The following TMPRSS13 variants were observed in gnomAD, a reference collection of about 807,000 sequenced individuals.
TMPRSS13 encodes the protein transmembrane protease serine 13.
In TMPRSS13, 50 loss-of-function variants were observed where a neutral mutation model predicts 68.4. That is an observed-to-expected ratio of 0.73 (90% CI 0.58 to 0.93). The LOEUF (loss-of-function observed/expected upper bound fraction) is 0.93. Ranked by LOEUF, TMPRSS13 falls within the 40% of genes least tolerant of loss-of-function variation. The probability of loss-of-function intolerance (pLI) is 0.00; values close to 1 mark genes in which losing one functional copy is unlikely to be tolerated. For synonymous variants in TMPRSS13, 267 were observed against 285.8 expected, an observed-to-expected ratio of 0.93 and a Z score of 0.66; for missense variants, 615 against 729.2, an observed-to-expected ratio of 0.84 and a Z score of 1.80.
chr11:117,911,893 C>T (rs1457726845), intron 5 of TMPRSS13, 33 bp from the exon 6 acceptor site: 1 of 1,577,596 alleles, frequency 6.3e-7, no homozygotes, highest in African/African-American at 1.3e-5. Context: ...AGAATGAGCC[C>T]CCTGGAGACA....
In TMPRSS13 at chr11:117,914,536, G is replaced by T. The variant is rs555776602; in HGVS notation, c.557-22C>A. On this transcript the variant is annotated intron_variant, in intron 3 of 12. Coordinates refer to ENST00000524993, the MANE Select transcript of TMPRSS13 (RefSeq NM_001077263.3). The surrounding 1 kb of genome is among the most constrained non-coding windows in gnomAD (Gnocchi z 4.2). The stretch of plus-strand genomic sequence containing the variant: ...TGGACTAGAGAAAAAGAAGCAGACA[G>T]CTGGGTCATGGCCAGCCCCACTGAG... 6.2e-7 allele frequency: 1 copy of T among 1,613,246 alleles called. No homozygotes were observed. The highest frequency in any genetic ancestry group is 1.7e-5 in the Admixed American group (1 of 60,004).
chr11:117,929,175 C>T, intron 1 of TMPRSS13, 112 bp downstream of exon 1: 1 of 827,888 alleles, frequency 1.2e-6, no homozygotes. Context: ...GAGGCACAGC[C>T]AGTTTCCCCC....
chr11:117,911,920 T>C, intron 5 of TMPRSS13, 60 bp from the exon 6 acceptor site: 1 of 1,451,492 alleles, frequency 6.9e-7, no homozygotes, highest in Non-Finnish European at 9.6e-7. Context: ...TCCCAAGTCC[T>C]CCAGCAGGCT....
rs112048745 is a variant in TMPRSS13 at position 117,922,507 on chromosome 11, C to G, written c.22-3669G>C. 6.6e-6 allele frequency among the ~76,000 whole-genome samples: 1 copy of G among 152,132 alleles called. No individual in the cohort carries two copies. Among genetic ancestry groups the G allele is most frequent in the Admixed American group, 6.5e-5 (1 of 15,286 alleles). ...CCTCCCAAAGTGCTGGGATTACAGGCGTGAGCCACCGCGCCCAGCCGAGAC... is the reference window on the plus strand; with the variant it reads ...CCTCCCAAAGTGCTGGGATTACAGGGGTGAGCCACCGCGCCCAGCCGAGAC... On this transcript the variant is annotated intron_variant, in intron 1 of 12. Coordinates refer to ENST00000524993, the MANE Select transcript of TMPRSS13 (RefSeq NM_001077263.3). The surrounding 1 kb of genome is among the most constrained non-coding windows in gnomAD (Gnocchi z 4.2).
At chr11:117,923,522 G>A (rs906097060) in intron 1 of TMPRSS13, among the ~76,000 whole-genome samples, 1 of 152,130 alleles carries the variant, frequency 6.6e-6, no homozygotes, top group African/African-American at 2.4e-5. Context: ...CATAATGAGA[G>A]TTCTTCAGCC....
At position 117,929,325 on chromosome 11, in the gene TMPRSS13, G is replaced by A. The variant is rs1309595367; in HGVS notation, c.-18C>T. 1 of 1,604,374 alleles carries A rather than the reference G, an allele frequency of 6.2e-7. No homozygotes were observed. The highest frequency in any genetic ancestry group is 1.1e-5 in the South Asian group (1 of 89,020). The stretch of plus-strand genomic sequence containing the variant: ...CTCTCCATGGTCTCTGAGGGGAAGA[G>A]TCCTCCAGGCTTAGCTGATGTCGAG... On this transcript the variant is annotated 5_prime_UTR_variant, in exon 1 of 13. Transcript: ENST00000524993.
In TMPRSS13 at chr11:117,918,428, C is replaced by T. The variant is rs1289986334; in HGVS notation, c.432G>A (p.Arg144=). 1 of 1,613,624 alleles carries T rather than the reference C, an allele frequency of 6.2e-7. No homozygotes were observed. The change falls in exon 2 of 13, where the codon AGG becomes AGA. Residue 144 remains arginine (R), a synonymous_variant. Coordinates refer to ENST00000524993, the MANE Select transcript of TMPRSS13 (RefSeq NM_001077263.3). ...CCTTACCTGGGCTCTCCCTGGTGGC[C>T]CTGGTTGCTGGTGCTGACCTGGCAG... ...SSPARSAPAT[R]ATRESPGTSL...
intron 8 of TMPRSS13, among the ~76,000 whole-genome samples, chr11:117,909,367 C>G (rs896478002): frequency 6.6e-6 from 1 of 152,192 alleles, no homozygotes; most frequent in African/African-American, 2.4e-5. Context: ...CTGTGGGCCC[C>G]CAAAGACAAT....
chr11:117,903,544 A>G (rs750873752), intron 12 of TMPRSS13, 111 bp downstream of exon 12: 2 of 1,576,458 alleles, frequency 1.3e-6, no homozygotes, highest in African/African-American at 2.7e-5. Context: ...CACCCCCCGA[A>G]TATGGGGACG....
rs187928989 is a variant in TMPRSS13, at chr11:117,911,794, G to A, written c.876C>T (p.Asn292=). ...FANSFSILRY[N]STIQESLHRS... ...TGTGGAGGCTTTCCTGGATGGTGGAGTTGTATCTCAAGATTGAGAAGCTGT... is the reference window on the plus strand; with the variant it reads ...TGTGGAGGCTTTCCTGGATGGTGGAATTGTATCTCAAGATTGAGAAGCTGT... Residue 292 remains asparagine (N), a synonymous_variant, in exon 6 of 13, where the codon AAC becomes AAT. Transcript: ENST00000524993. 8 of 1,614,106 alleles carry A rather than the reference G, an allele frequency of 5.0e-6. No individual in the cohort carries two copies. Among genetic ancestry groups the A allele is most frequent in the African/African-American group, 4.0e-5 (3 of 75,054 alleles).
At chr11:117,904,237 G>A (rs2057440351) in intron 10 of TMPRSS13, 136 bp from the exon 11 acceptor site, 13 of 1,240,100 alleles carry the variant, frequency 1.0e-5, no homozygotes, top group Non-Finnish European at 1.3e-5. Flanking sequence ...GCCCGTGCCT[G>A]GCTCCCACCC....
intron 1 of TMPRSS13, among the ~76,000 whole-genome samples, chr11:117,926,131 G>C (rs955382359): frequency 1.4e-5 from 2 of 147,302 alleles, no homozygotes; most frequent in Non-Finnish European, 3.0e-5. Context: ...CATAGGGCAG[G>C]TGCCAGGGTC....
At chr11:117,923,228 C>T (rs560129180) in intron 1 of TMPRSS13, among the ~76,000 whole-genome samples, 15 of 152,242 alleles carry the variant, frequency 9.9e-5, no homozygotes, top group Non-Finnish European at 2.2e-4. Flanking sequence ...CAAGGCCCCC[C>T]ACTTCCAGCC....
intron 10 of TMPRSS13, among the ~76,000 whole-genome samples, chr11:117,904,861 T>TTATATATTTATATA (rs2057447460): frequency 2.0e-5 from 2 of 100,672 alleles, no homozygotes; most frequent in Non-Finnish European, 4.4e-5. Context: ...CTAGATAAGA[T>TTATATATTTATATA]TATATATATA....
Position 117,904,061 on chromosome 11 carries a change from G to A in TMPRSS13, c.1422C>T (p.Leu474=), listed in dbSNP as rs1373923192. 1 of 1,614,006 alleles carries A rather than the reference G, an allele frequency of 6.2e-7. No individual in the cohort carries two copies. Among genetic ancestry groups the A allele is most frequent in the African/African-American group, 1.3e-5 (1 of 74,940 alleles). The part of the protein sequence containing the change: ...SPFLREVQVN[L]IDFKKCNDYL... ...AGTCATTGCATTTCTTGAAGTCGAT[G>A]AGATTGACCTGCACCTCCCGGAGGA... Residue 474 remains leucine, a synonymous_variant, in exon 11 of 13, where the codon CTC becomes CTT. Coordinates refer to ENST00000524993, the MANE Select transcript of TMPRSS13 (RefSeq NM_001077263.3).
intron 1 of TMPRSS13, among the ~76,000 whole-genome samples, chr11:117,919,193 G>A (rs996333497): frequency 2.6e-5 from 4 of 152,200 alleles, no homozygotes; most frequent in African/African-American, 9.7e-5. Flanking sequence ...CTGAGACCTC[G>A]TATCAAGGGA....
At position 117,918,846 on chromosome 11, in the gene TMPRSS13, C is replaced by A; in HGVS notation, c.22-8G>T. ...TCTTGCTGGAGATGCATTCTGAAAG[C>A]AGATCGAAGAGTATCCCACAGGCTG... On this transcript the variant is annotated splice_region_variant and splice_polypyrimidine_tract_variant and intron_variant, in intron 1 of 12. Coordinates refer to ENST00000524993, the MANE Select transcript of TMPRSS13 (RefSeq NM_001077263.3). 1.2e-6 allele frequency: 2 copies of A among 1,612,888 alleles called. No individual in the cohort carries two copies. The highest frequency in any genetic ancestry group is 1.7e-6 in the Non-Finnish European group (2 of 1,179,804).
chr11:117,904,389 A>C (rs535114474), intron 10 of TMPRSS13, among the ~76,000 whole-genome samples: 1 of 152,342 alleles, frequency 6.6e-6, no homozygotes, highest in African/African-American at 2.4e-5. Context: ...GACATGTTGC[A>C]CAGCACTTGC....
rs999735855 is a variant in TMPRSS13 at position 117,900,833 on chromosome 11, G to A, written c.*1406C>T. ...GCCATGGCCTGCCTGAGCTGGGCTA[G>A]GCTGGGCTGATCTGCTTGGATCCTG... On this transcript the variant is annotated 3_prime_UTR_variant, in exon 13 of 13. Coordinates refer to ENST00000524993, the MANE Select transcript of TMPRSS13 (RefSeq NM_001077263.3). The A allele has an allele frequency of 9.2e-5, 14 of 152,476 alleles. No homozygotes were observed. The highest frequency in any genetic ancestry group is 3.1e-4 in the African/African-American group (13 of 41,590). 9.4% of individuals were successfully genotyped at this position (152,476 alleles called of 1,614,324 possible).
Sources: gnomAD v4.1 joint callset for allele counts (sites outside exome capture counted in the v4.1 genomes callset) on GRCh38, gnomAD v4.1.1 for gene constraint, Gnocchi (gnomAD v3.1) non-coding constraint, MANE v1.5 for transcripts, NCBI Gene and HGNC (gene_info 2026-07-23, HGNC 2026-07-21) for gene names.